Variants in TNFRSF19 observed in about 807,000 individuals in gnomAD.
The protein encoded by TNFRSF19 is tumor necrosis factor receptor superfamily member 19.
In TNFRSF19, 27 loss-of-function variants were observed where a neutral mutation model predicts 46.4. The observed-to-expected ratio is 0.58, with a 90% CI of 0.43 to 0.80. The LOEUF (loss-of-function observed/expected upper bound fraction) is 0.80. Ranked by LOEUF, TNFRSF19 falls within the 30% of genes least tolerant of loss-of-function variation. TNFRSF19 has a pLI of 0.00. For synonymous variants in TNFRSF19, 204 were observed against 205.0 expected (o/e 1.00, Z 0.04); for missense variants, 511 against 530.8 (o/e 0.96, Z 0.37).
At chr13:23,593,483 T>C (rs755244154) in intron 3 of TNFRSF19, 28 bp downstream of exon 3, 5 of 1,464,200 alleles carry the variant, frequency 3.4e-6, no homozygotes, top group Middle Eastern at 1.7e-4. Context: ...CAAAGTTGTG[T>C]ATCTGTGTTT....
At chr13:23,663,147 G>A (rs1884479518) in intron 7 of TNFRSF19, among the ~76,000 whole-genome samples, 1 of 152,204 alleles carries the variant, frequency 6.6e-6, no homozygotes, top group Admixed American at 6.5e-5. Context: ...GATGTTGGCT[G>A]TGGGTTTGTC....
rs751648047 is a variant in TNFRSF19, at chr13:23,593,331, A to AT, written c.70-4dup. 4.4e-3 allele frequency: 5,974 copies of AT among 1,344,926 alleles called. 1 individual carries two copies. The highest frequency in any genetic ancestry group is 5.3e-3 in the South Asian group (365 of 69,446). 83.3% of individuals were successfully genotyped at this position (1,344,926 alleles called of 1,614,324 possible). A position where few individuals can be genotyped will look rare whatever the true frequency, so the allele number is the denominator to read the frequency against. On this transcript the variant is annotated splice_polypyrimidine_tract_variant and intron_variant, in intron 2 of 9. Coordinates refer to ENST00000248484, the MANE Select transcript of TNFRSF19 (RefSeq NM_148957.4). ...ATACTTTAAGATAACATTTTGTTAA[A>AT]TTTTTTTTTTCAGTCATGTAAAGTG... is the stretch of plus-strand genomic sequence containing the variant.
chr13:23,633,205 C>T (rs908784834), intron 5 of TNFRSF19, among the ~76,000 whole-genome samples: 3 of 150,902 alleles, frequency 2.0e-5, no homozygotes, highest in African/African-American at 4.9e-5. Flanking sequence ...CTCAACTTCA[C>T]AGGCTCAAGT....
intron 5 of TNFRSF19, among the ~76,000 whole-genome samples, chr13:23,637,852 T>C (rs531175055): frequency 6.6e-6 from 1 of 152,362 alleles, no homozygotes; most frequent in South Asian, 2.1e-4. Flanking sequence ...CTTCTCCAAA[T>C]GCAAGGGAAA....
intron 1 of TNFRSF19, among the ~76,000 whole-genome samples, chr13:23,574,715 C>T (rs1168096163): frequency 6.6e-6 from 1 of 152,146 alleles, no homozygotes; most frequent in Admixed American, 6.5e-5. Context: ...TTCTTTAAAA[C>T]GTTGTCCACC....
rs141367172 is a variant in TNFRSF19, at chr13:23,644,368, A to G, written c.446-14682A>G. Among the ~76,000 whole-genome samples the G allele has an allele frequency of 4.8e-3, 736 of 152,312 alleles. 5 individuals carry two copies. The highest frequency in any genetic ancestry group is 8.2e-3 in the Non-Finnish European group (559 of 68,026). ...TTCCTTCATCCCGTTCTCATGATAT[A>G]GTAAGTTAGTTCTCACAAGATCTGA... On this transcript the variant is annotated intron_variant, in intron 5 of 9. Transcript: ENST00000248484.
At chr13:23,586,018 C>T (rs906819054) in intron 1 of TNFRSF19, among the ~76,000 whole-genome samples, 2 of 152,040 alleles carry the variant, frequency 1.3e-5, no homozygotes, top group African/African-American at 2.4e-5. Flanking sequence ...CGCCTGTAAT[C>T]CCAGCACTTT....
chr13:23,594,479 A>T, intron 3 of TNFRSF19: 1 of 199,922 alleles, frequency 5.0e-6, no homozygotes, highest in Non-Finnish European at 1.1e-5. Context: ...GTGTAAACAA[A>T]GCCACCTGGA....
In TNFRSF19 at chr13:23,593,440, C is replaced by A. The variant is rs1268112334; in HGVS notation, c.165C>A (p.Gly55=). 1.2e-6 allele frequency: 2 copies of A among 1,600,770 alleles called. No homozygotes were observed. The highest frequency in any genetic ancestry group is 2.7e-5 in the African/African-American group (2 of 73,948). Residue 55 remains glycine (G), a synonymous_variant, in exon 3 of 10, where the codon GGC becomes GGA. Coordinates refer to ENST00000248484, the MANE Select transcript of TNFRSF19 (RefSeq NM_148957.4). ...NCVPCNQCGP[G]MELSKECGFG... ...TTCCCTGCAACCAGTGTGGGCCAGG[C>A]ATGGAGTTGTCTAAGGTATATTGGA... is the stretch of plus-strand genomic sequence containing the variant.
intron 5 of TNFRSF19, among the ~76,000 whole-genome samples, chr13:23,632,389 G>A (rs1882410334): frequency 6.6e-6 from 1 of 152,156 alleles, no homozygotes; most frequent in Non-Finnish European, 1.5e-5. Flanking sequence ...TTCAGGGCAG[G>A]GAATAGGAAG....
At chr13:23,667,794 C>T (rs1311467245) in intron 7 of TNFRSF19, among the ~76,000 whole-genome samples, 186 bp from the exon 8 acceptor site, 4 of 151,970 alleles carry the variant, frequency 2.6e-5, no homozygotes, top group South Asian at 2.1e-4. Flanking sequence ...TGTCTACTCT[C>T]GGTACCTTAT....
Position 23,674,181 on chromosome 13 carries a change from A to T in TNFRSF19, c.*801A>T, listed in dbSNP as rs928565696. On this transcript the variant is annotated 3_prime_UTR_variant, in exon 10 of 10. Transcript: ENST00000248484. ...AGGTTGGCATATTTATATGAAAATTAGTTGCTATAGAAACATTTGTTGCAT... is the reference window on the plus strand; with the variant it reads ...AGGTTGGCATATTTATATGAAAATTTGTTGCTATAGAAACATTTGTTGCAT... 3 of 152,256 alleles carry T rather than the reference A, an allele frequency of 2.0e-5. No individual in the cohort carries two copies. Among genetic ancestry groups the T allele is most frequent in the African/African-American group, 7.2e-5 (3 of 41,466 alleles). 9.4% of individuals were successfully genotyped at this position (152,256 alleles called of 1,614,324 possible).
chr13:23,627,209 G>C (rs531600105), intron 5 of TNFRSF19, among the ~76,000 whole-genome samples: 101 of 152,178 alleles, frequency 6.6e-4, no homozygotes, highest in African/African-American at 2.4e-3. Flanking sequence ...CCTTCCCAGA[G>C]AAGTTCCTCT....
At chr13:23,583,877 G>A (rs1213187925) in intron 1 of TNFRSF19, among the ~76,000 whole-genome samples, 1 of 152,142 alleles carries the variant, frequency 6.6e-6, no homozygotes, top group East Asian at 1.9e-4. Context: ...TTGCATTTCA[G>A]GGTAGAGAAA....
intron 9 of TNFRSF19, among the ~76,000 whole-genome samples, chr13:23,671,432 C>T (rs1403402836): frequency 1.3e-5 from 2 of 151,900 alleles, no homozygotes; most frequent in African/African-American, 2.4e-5. Flanking sequence ...AAAATATAAA[C>T]CATTTTGATT....
chr13:23,610,854 A>G (rs1880853256), intron 3 of TNFRSF19, among the ~76,000 whole-genome samples: 1 of 151,928 alleles, frequency 6.6e-6, no homozygotes. Context: ...ATATTTTCCC[A>G]TCTTAAAGTT....
intron 5 of TNFRSF19, among the ~76,000 whole-genome samples, chr13:23,652,488 C>A (rs977669550): frequency 1.3e-5 from 2 of 152,140 alleles, no homozygotes; most frequent in African/African-American, 4.8e-5. Flanking sequence ...CTCCATGAAG[C>A]GCTACTTAAA....
chr13:23,598,566 A>G (rs1879902761), intron 3 of TNFRSF19, among the ~76,000 whole-genome samples: 1 of 152,206 alleles, frequency 6.6e-6, no homozygotes. Flanking sequence ...CATTCCTTTG[A>G]CAGTATGTGT....
At chr13:23,622,996 C>CAT (rs1230437001) in intron 4 of TNFRSF19, among the ~76,000 whole-genome samples, 1 of 152,054 alleles carries the variant, frequency 6.6e-6, no homozygotes, top group Non-Finnish European at 1.5e-5. Context: ...CCATCTTCAC[C>CAT]ATTTTTAGGT....
Sources: allele counts gnomAD v4.1 joint callset (sites outside exome capture counted in the v4.1 genomes callset), GRCh38; gene constraint gnomAD v4.1.1; transcripts MANE v1.5; gene names NCBI Gene and HGNC (gene_info 2026-07-23, HGNC 2026-07-21).